Variants in KLHL32 observed in about 807,000 individuals in gnomAD.
KLHL32 encodes the protein kelch like family member 32.
KLHL32 carries 35 observed loss-of-function variants against 64.8 expected under a neutral mutation model. That is an observed-to-expected ratio of 0.54 (90% CI 0.41 to 0.72). The LOEUF is 0.72. Ranked by LOEUF, KLHL32 falls within the 30% of genes least tolerant of loss-of-function variation. KLHL32 has a pLI of 0.00. For missense variants in KLHL32, 589 were observed against 768.5 expected (o/e 0.77, Z 2.76); for synonymous variants, 259 against 281.0 (o/e 0.92, Z 0.78).
chr6:96,971,521 C>A (rs1239163583), intron 2 of KLHL32, among the ~76,000 whole-genome samples: 1 of 152,138 alleles, frequency 6.6e-6, no homozygotes, highest in Admixed American at 6.5e-5. Context: ...TTTCCTGAGA[C>A]CTCGTTTATT....
the KLHL32 span, among the ~76,000 whole-genome samples, chr6:96,910,339 A>G: frequency 6.6e-6 from 1 of 152,280 alleles, no homozygotes; most frequent in Admixed American, 6.5e-5. Context: ...GTCAGAGAGG[A>G]CACACAAAGG....
At chr6:96,931,645 T>G (rs1769905586) in intron 1 of KLHL32, among the ~76,000 whole-genome samples, 1 of 152,236 alleles carries the variant, frequency 6.6e-6, no homozygotes, top group Admixed American at 6.5e-5. Context: ...TTGGTAACAT[T>G]ACTTGAGATA....
At chr6:97,134,853 C>T (rs1799819885) in intron 10 of KLHL32, among the ~76,000 whole-genome samples, 1 of 152,044 alleles carries the variant, frequency 6.6e-6, no homozygotes, top group Admixed American at 6.5e-5. Context: ...GACATAGAAA[C>T]TTAAATAAAA....
intron 4 of KLHL32, among the ~76,000 whole-genome samples, chr6:97,056,560 C>T (rs1038865928): frequency 6.6e-6 from 1 of 152,192 alleles, no homozygotes; most frequent in Non-Finnish European, 1.5e-5. Context: ...TCAGAACCCT[C>T]CTGTTTAATC....
chr6:96,920,646 G>A (rs1300695721), upstream of KLHL32, among the ~76,000 whole-genome samples: 1 of 151,790 alleles, frequency 6.6e-6, no homozygotes, highest in East Asian at 1.9e-4. Flanking sequence ...TATACCTATT[G>A]ATCTTCCACT....
At position 97,118,381 on chromosome 6, in the gene KLHL32, G is replaced by A. The variant is rs555420510; in HGVS notation, c.1354+3872G>A. 2.5e-4 allele frequency among the ~76,000 whole-genome samples: 38 copies of A among 152,306 alleles called. 1 individual carries two copies. The highest frequency in any genetic ancestry group is 1.8e-3 in the Admixed American group (27 of 15,298). ...CGCCAGTAATCCCAGCACTTTGGGA[G>A]GCCGAGGCGGGCGGATCGCCTGAGA... On this transcript the variant is annotated intron_variant, in intron 7 of 10. Coordinates refer to ENST00000369261, the MANE Select transcript of KLHL32 (RefSeq NM_052904.4).
intron 3 of KLHL32, among the ~76,000 whole-genome samples, chr6:97,007,976 TGCA>T (rs1400649287): frequency 1.3e-5 from 2 of 152,220 alleles, no homozygotes; most frequent in East Asian, 3.8e-4. Context: ...TGCCAGCGAT[TGCA>T]GCAATGCTCA....
chr6:97,091,550 T>C (rs1252483199), intron 6 of KLHL32, among the ~76,000 whole-genome samples: 1 of 152,142 alleles, frequency 6.6e-6, no homozygotes, highest in Non-Finnish European at 1.5e-5. Context: ...TTGCTGCTCT[T>C]TCCCACCTGC....
At chr6:97,026,477 G>A (rs1782736875) in intron 3 of KLHL32, among the ~76,000 whole-genome samples, 1 of 152,166 alleles carries the variant, frequency 6.6e-6, no homozygotes. Context: ...TGGTTGCTTA[G>A]CAACTAATGG....
At chr6:96,930,707 C>T (rs1769762798) in intron 1 of KLHL32, among the ~76,000 whole-genome samples, 1 of 152,036 alleles carries the variant, frequency 6.6e-6, no homozygotes, top group Non-Finnish European at 1.5e-5. Context: ...ATGCAGTACG[C>T]TGCTTAGATG....
chr6:97,078,914 AG>A (rs1792035875), intron 5 of KLHL32, among the ~76,000 whole-genome samples: 1 of 152,248 alleles, frequency 6.6e-6, no homozygotes, highest in Non-Finnish European at 1.5e-5. Context: ...TTGACAAGCC[AG>A]GGAGCCACGG....
In KLHL32 at chr6:97,085,112, T is replaced by C; in HGVS notation, c.412-14T>C. ...CTAAGAGATCTTTTTTCATTTTTAT[T>C]TTTTGGCACCCAGGAATTAAATAGC... On this transcript the variant is annotated splice_polypyrimidine_tract_variant and intron_variant, in intron 5 of 10. Coordinates refer to ENST00000369261, the MANE Select transcript of KLHL32 (RefSeq NM_052904.4). 2 of 1,604,158 alleles carry C rather than the reference T, an allele frequency of 1.2e-6. No homozygotes were observed. The highest frequency in any genetic ancestry group is 1.7e-6 in the Non-Finnish European group (2 of 1,173,752).
intron 6 of KLHL32, among the ~76,000 whole-genome samples, chr6:97,094,796 A>G (rs1005841669): frequency 1.3e-5 from 2 of 152,178 alleles, no homozygotes; most frequent in Non-Finnish European, 2.9e-5. Flanking sequence ...TTATGCTTCA[A>G]GAACAGGAGC....
chr6:96,968,067 G>A (rs918191729), intron 2 of KLHL32, among the ~76,000 whole-genome samples: 3 of 152,192 alleles, frequency 2.0e-5, no homozygotes, highest in Non-Finnish European at 4.4e-5. Flanking sequence ...TAAGTAATGA[G>A]ACCAGCTTCT....
Position 97,064,651 on chromosome 6 carries a change from C to G in KLHL32, c.336C>G (p.Ile112Met). The change falls in exon 5 of 11, where the codon ATC (isoleucine) becomes ATG (methionine). Residue 112 changes from isoleucine to methionine, a missense_variant. Coordinates refer to ENST00000369261, the MANE Select transcript of KLHL32 (RefSeq NM_052904.4). ...AGATTTTGCTGGAGCCAGGTGTGAT[C>G]CAGGATGTGCTAGCAGCGGGCAGTC... ...TGQILLEPGV[I>M]QDVLAAGSHL... 1 of 1,614,026 alleles carries G rather than the reference C, an allele frequency of 6.2e-7. No homozygotes were observed. Among genetic ancestry groups the G allele is most frequent in the East Asian group, 2.2e-5 (1 of 44,892 alleles).
intron 3 of KLHL32, among the ~76,000 whole-genome samples, chr6:97,032,987 T>C (rs930479914): frequency 6.6e-6 from 1 of 151,872 alleles, no homozygotes; most frequent in Non-Finnish European, 1.5e-5. Flanking sequence ...CAACAGAAAC[T>C]GGTGCTTCTC....
chr6:96,958,230 T>C (rs989054739), intron 1 of KLHL32, among the ~76,000 whole-genome samples: 5 of 152,152 alleles, frequency 3.3e-5, no homozygotes, highest in African/African-American at 1.2e-4. Context: ...GAAATGAAAC[T>C]AGGGCAGTAG....
rs543207606 is a variant in KLHL32 at position 97,011,112 on chromosome 6, G to C, written c.205-30380G>C. ...GAGGAGGGACAGCGTTTGGACATGAGGGAATTATCATGTATGCCATCATAT... is the reference window on the plus strand; with the variant it reads ...GAGGAGGGACAGCGTTTGGACATGACGGAATTATCATGTATGCCATCATAT... On this transcript the variant is annotated intron_variant, in intron 3 of 10. Transcript: ENST00000369261. Among the ~76,000 whole-genome samples, 6 of 152,284 alleles carry C rather than the reference G, an allele frequency of 3.9e-5. No individual in the cohort carries two copies. The East Asian group carries it at 1.2e-3, about 29-fold the overall frequency.
intron 3 of KLHL32, among the ~76,000 whole-genome samples, chr6:96,995,773 G>A (rs1353801307): frequency 6.6e-6 from 1 of 152,096 alleles, no homozygotes; most frequent in East Asian, 1.9e-4. Flanking sequence ...GCCCTATCCT[G>A]ATCACCCTCT....
Sources: allele counts gnomAD v4.1 joint callset (sites outside exome capture counted in the v4.1 genomes callset), GRCh38; gene constraint gnomAD v4.1.1; transcripts MANE v1.5; gene names NCBI Gene and HGNC (gene_info 2026-07-23, HGNC 2026-07-21).